The following NAP1L1 variants were observed in gnomAD, a reference collection of about 807,000 sequenced individuals.
The protein encoded by NAP1L1 is nucleosome assembly protein 1 like 1.
A neutral mutation model predicts 58.9 loss-of-function variants in NAP1L1; 9 were observed. The observed-to-expected ratio is 0.15, with a 90% confidence interval of 0.09 to 0.27. NAP1L1 has a LOEUF of 0.27. Among genes scored for constraint, NAP1L1 ranks in the 10% least tolerant of loss-of-function variants. The pLI is 1.00. For missense variants in NAP1L1, 302 were observed against 458.8 expected (o/e 0.66, Z 3.12); for synonymous variants, 130 against 138.3 (o/e 0.94, Z 0.42).
intron 2 of NAP1L1, chr12:76,073,934 T>G: frequency 2.9e-6 from 1 of 342,688 alleles, no homozygotes; most frequent in South Asian, 7.8e-5. Flanking sequence ...TGCAAGTATT[T>G]ATAATCCATT....
At chr12:76,058,488 G>C (rs535999105) in intron 6 of NAP1L1, among the ~76,000 whole-genome samples, 1 of 151,064 alleles carries the variant, frequency 6.6e-6, no homozygotes, top group Non-Finnish European at 1.5e-5. Context: ...CCGAGTTCAA[G>C]TGATTCTCCT....
chr12:76,065,977 T>A (rs1448309387), intron 4 of NAP1L1, among the ~76,000 whole-genome samples: 1 of 149,784 alleles, frequency 6.7e-6, no homozygotes, highest in African/African-American at 2.5e-5. Context: ...AACACGGGTG[T>A]TTACAACTTG....
Position 76,044,323 on chromosome 12 carries a change from A to G in NAP1L1, c.*4106T>C, listed in dbSNP as rs539272160. ...TCTCAAAAATAAAAATAAATGGATA[A>G]AACATGTAAGAAACTAAAAAGCAAT... is the stretch of plus-strand genomic sequence containing the variant. On this transcript the variant is annotated 3_prime_UTR_variant, in exon 15 of 15. Coordinates refer to ENST00000618691, the MANE Select transcript of NAP1L1 (RefSeq NM_004537.7). 4.6e-5 allele frequency: 7 copies of G among 152,314 alleles called. No individual in the cohort carries two copies. In the East Asian group the frequency reaches 1.3e-3, roughly 29 times the overall value. 9.4% of individuals were successfully genotyped at this position (152,314 alleles called of 1,614,324 possible). A position where few individuals can be genotyped will look rare whatever the true frequency, so the allele number is the denominator to read the frequency against.
intron 2 of NAP1L1, among the ~76,000 whole-genome samples, chr12:76,073,160 T>C (rs1950035439): frequency 6.6e-6 from 1 of 152,176 alleles, no homozygotes; most frequent in Non-Finnish European, 1.5e-5. Context: ...TCATCTGTTT[T>C]TTTTTAATGC....
At chr12:76,062,309 C>G (rs73133147) in intron 4 of NAP1L1, among the ~76,000 whole-genome samples, 8 of 152,280 alleles carry the variant, frequency 5.3e-5, no homozygotes, top group Non-Finnish European at 8.8e-5. Flanking sequence ...CAGTGTAAGG[C>G]AACTAGTGCT....
intron 4 of NAP1L1, 67 bp downstream of exon 4, chr12:76,067,304 C>T: frequency 3.3e-6 from 4 of 1,215,648 alleles, no homozygotes; most frequent in Non-Finnish European, 4.8e-6. Context: ...CCTAGATGGT[C>T]TTAAAAATAG....
At position 76,065,345 on chromosome 12, in the gene NAP1L1, A is replaced by C. The variant is rs548336629; in HGVS notation, c.206+2026T>G. On this transcript the variant is annotated intron_variant, in intron 4 of 14. Transcript: ENST00000618691. ...CAGTATGAATAGAAATAAGACAAAG[A>C]ATACTAATGTTTAACACAGTAGTGA... is the stretch of plus-strand genomic sequence containing the variant. Among the ~76,000 whole-genome samples, 333 of 152,190 alleles carry C rather than the reference A, an allele frequency of 2.2e-3. 2 individuals are homozygous for C. Among genetic ancestry groups the C allele is most frequent in the African/African-American group, 7.4e-3 (308 of 41,562 alleles).
intron 1 of NAP1L1, among the ~76,000 whole-genome samples, chr12:76,076,650 C>T (rs1950194772): frequency 6.8e-6 from 1 of 147,706 alleles, no homozygotes; most frequent in African/African-American, 2.5e-5. Context: ...AAAACAAACA[C>T]CAAAAACCTA....
At position 76,037,731 on chromosome 12, in the gene NAP1L1, T is replaced by A. The variant is rs1466574370; in HGVS notation, c.*10698A>T. 1 of 152,196 alleles carries A rather than the reference T, an allele frequency of 6.6e-6. No homozygotes were observed. The highest frequency in any genetic ancestry group is 1.5e-5 in the Non-Finnish European group (1 of 68,042). The allele number at this position is 152,196 out of a possible 1,614,324, so 9.4% of individuals were successfully genotyped here. The stretch of plus-strand genomic sequence containing the variant: ...AAACCTTTCATTCTTCAAAGCCCTA[T>A]TCAAATCCCAGATTTCCTCTGGCTG... On this transcript the variant is annotated 3_prime_UTR_variant, in exon 15 of 15. Coordinates refer to ENST00000618691, the MANE Select transcript of NAP1L1 (RefSeq NM_004537.7).
At chr12:76,052,963 A>C in intron 11 of NAP1L1, 128 bp downstream of exon 11, 1 of 721,146 alleles carries the variant, frequency 1.4e-6, no homozygotes, top group South Asian at 2.4e-5. Flanking sequence ...ATATCCAAAA[A>C]GTCTGCCCCA....
chr12:76,078,135 C>T (rs1950266636), intron 1 of NAP1L1, among the ~76,000 whole-genome samples: 1 of 151,982 alleles, frequency 6.6e-6, no homozygotes, highest in Middle Eastern at 3.2e-3. Context: ...AGAAGGAAGG[C>T]ACTTTTGCAC....
rs1948926943 is a variant in NAP1L1, at chr12:76,053,286, G to C, written c.835C>G (p.His279Asp). Residue 279 changes from histidine to aspartate, a missense_variant, in exon 10 of 15, where the codon CAC becomes GAC. Transcript: ENST00000618691. ...GTACGAACTGTCCCACGTCCCTTGTGTTTCTGCTTCTTCTTAATAGTTTTC... is the reference window on the plus strand; with the variant it reads ...GTACGAACTGTCCCACGTCCCTTGTCTTTCTGCTTCTTCTTAATAGTTTTC... The part of the protein sequence containing the change: ...TLKTIKKKQK[H>D]KGRGTVRTVT... 1 of 1,613,832 alleles carries C rather than the reference G, an allele frequency of 6.2e-7. No homozygotes were observed. The highest frequency in any genetic ancestry group is 1.3e-5 in the African/African-American group (1 of 74,898).
In NAP1L1 at chr12:76,037,514, T is replaced by TA. The variant is rs1699452992; in HGVS notation, c.*10914dup. 1 of 152,256 alleles carries TA rather than the reference T, an allele frequency of 6.6e-6. No individual in the cohort carries two copies. The highest frequency in any genetic ancestry group is 6.5e-5 in the Admixed American group (1 of 15,282). The allele number at this position is 152,256 out of a possible 1,614,324, so 9.4% of individuals were successfully genotyped here. A position where few individuals can be genotyped will look rare whatever the true frequency, so the allele number is the denominator to read the frequency against. Reference sequence around the variant, plus strand: ...TACTCATACACATGGCCTTCAGTTTTACTCTTAAAACATGACAGAAAACTT... The same window carrying TA: ...TACTCATACACATGGCCTTCAGTTTTAACTCTTAAAACATGACAGAAAACTT... On this transcript the variant is annotated 3_prime_UTR_variant, in exon 15 of 15. Coordinates refer to ENST00000618691, the MANE Select transcript of NAP1L1 (RefSeq NM_004537.7).
At chr12:76,074,118 T>C in intron 2 of NAP1L1, 85 bp downstream of exon 2, 2 of 1,156,746 alleles carry the variant, frequency 1.7e-6, no homozygotes, top group Admixed American at 1.9e-5. Flanking sequence ...ATTTTCATAA[T>C]ATATAATTCA....
Position 76,036,878 on chromosome 12 carries a change from G to C in NAP1L1, c.*11551C>G, listed in dbSNP as rs977481536. On this transcript the variant is annotated 3_prime_UTR_variant, in exon 15 of 15. Transcript: ENST00000618691. ...GCCTGAGGTCAGGAGCTCGACACAA[G>C]TCTGGCCAACATGGTGAAACCCCGT... The C allele has an allele frequency of 2.0e-5, 3 of 150,920 alleles. No individual in the cohort carries two copies. Among genetic ancestry groups the C allele is most frequent in the Admixed American group, 2.0e-4 (3 of 15,126 alleles). The allele number at this position is 150,920 out of a possible 1,614,324, so 9.3% of individuals were successfully genotyped here. A position where few individuals can be genotyped will look rare whatever the true frequency, so the allele number is the denominator to read the frequency against.
rs1948628308 is a variant in NAP1L1 at position 76,047,270 on chromosome 12, G to A, written c.*1159C>T. On this transcript the variant is annotated 3_prime_UTR_variant, in exon 15 of 15. Transcript: ENST00000618691. Reference sequence around the variant, plus strand: ...ACCCATTTTAATTACACAGTAAACAGAAGCACGGGTAAGTGACATACTCAT... The same window carrying A: ...ACCCATTTTAATTACACAGTAAACAAAAGCACGGGTAAGTGACATACTCAT... The A allele has an allele frequency of 1.3e-5, 2 of 152,334 alleles. No individual in the cohort carries two copies. The highest frequency in any genetic ancestry group is 6.6e-5 in the Admixed American group (1 of 15,252). The allele number at this position is 152,334 out of a possible 1,614,324, so 9.4% of individuals were successfully genotyped here.
chr12:76,049,587 T>C (rs1948726999), intron 13 of NAP1L1, 169 bp downstream of exon 13: 17 of 1,519,960 alleles, frequency 1.1e-5, no homozygotes, highest in Non-Finnish European at 1.3e-5. Context: ...ATTTATTTAT[T>C]GAAACCTTAT....
Position 76,041,837 on chromosome 12 carries a change from G to C in NAP1L1, c.*6592C>G, listed in dbSNP as rs1184098174. The C allele has an allele frequency of 6.6e-6, 1 of 152,204 alleles. No individual in the cohort carries two copies. The highest frequency in any genetic ancestry group is 2.4e-5 in the African/African-American group (1 of 41,442). The allele number at this position is 152,204 out of a possible 1,614,324, so 9.4% of individuals were successfully genotyped here. A position where few individuals can be genotyped will look rare whatever the true frequency, so the allele number is the denominator to read the frequency against. On this transcript the variant is annotated 3_prime_UTR_variant, in exon 15 of 15. Coordinates refer to ENST00000618691, the MANE Select transcript of NAP1L1 (RefSeq NM_004537.7). ...TCAAGGCTCCAGGTAAATGTTGGGA[G>C]ATAGAAGGGATAACCTGAATAATGA...
At chr12:76,060,380 T>C (rs1949352168) in intron 4 of NAP1L1, 101 bp from the exon 5 acceptor site, 2 of 1,190,906 alleles carry the variant, frequency 1.7e-6, no homozygotes, top group Admixed American at 2.3e-5. Flanking sequence ...GAATGACAGG[T>C]TTTTTATCTG....
Sources: gnomAD v4.1 joint callset for allele counts (sites outside exome capture counted in the v4.1 genomes callset) on GRCh38, gnomAD v4.1.1 for gene constraint, MANE v1.5 for transcripts, NCBI Gene and HGNC (gene_info 2026-07-23, HGNC 2026-07-21) for gene names.